STAU1: variants seen among roughly 807,000 people sequenced by gnomAD.
STAU1 encodes staufen double-stranded RNA binding protein 1.
A neutral mutation model predicts 62.9 loss-of-function variants in STAU1; 13 were observed. The ratio of observed to expected loss-of-function variants is 0.21; its 90% CI spans 0.13 to 0.33. STAU1 has a LOEUF of 0.33. Ranked by LOEUF, STAU1 falls within the 10% of genes least tolerant of loss-of-function variation. The pLI is 1.00. For missense variants in STAU1, 571 were observed against 712.1 expected, an observed-to-expected ratio of 0.80 and a Z score of 2.25; for synonymous variants, 269 against 265.1, an observed-to-expected ratio of 1.01 and a Z score of -0.14.
intron 1 of STAU1, among the ~76,000 whole-genome samples, chr20:49,187,896 G>A (rs1374732647): frequency 1.3e-5 from 2 of 151,968 alleles, no homozygotes; most frequent in Non-Finnish European, 2.9e-5. Context: ...GGCTGGAGGG[G>A]ATGGGGGCGC....
intron 7 of STAU1, 42 bp from the exon 8 acceptor site, chr20:49,123,277 C>T (rs2295714): frequency 0.41 from 653,349 of 1,612,420 alleles, 133,264 homozygotes; most frequent in Middle Eastern, 0.47. Flanking sequence ...TGTTATTCAC[C>T]GCATGAACTT....
intron 5 of STAU1, among the ~76,000 whole-genome samples, chr20:49,142,256 T>C (rs567544955): frequency 6.6e-6 from 1 of 151,958 alleles, no homozygotes; most frequent in East Asian, 1.9e-4. Context: ...CTGGCTAATT[T>C]TTTGTATTTT....
the STAU1 span, among the ~76,000 whole-genome samples, chr20:49,218,735 A>T: frequency 2.6e-5 from 4 of 151,932 alleles, no homozygotes; most frequent in Admixed American, 2.6e-4. Flanking sequence ...TACAATAAAC[A>T]TTAATTTTAA....
intron 12 of STAU1, among the ~76,000 whole-genome samples, chr20:49,116,319 TATTAC>T (rs1366595432): frequency 2.6e-5 from 4 of 151,964 alleles, no homozygotes; most frequent in Admixed American, 6.6e-5. Context: ...TTTTTCTTCT[TATTAC>T]ATTATCTTCG....
chr20:49,173,470 A>G (rs898178213), intron 2 of STAU1, among the ~76,000 whole-genome samples: 34 of 152,194 alleles, frequency 2.2e-4, no homozygotes, highest in Non-Finnish European at 4.7e-4. Flanking sequence ...AGAAAAGAAA[A>G]GCATTATACA....
At chr20:49,128,633 T>G (rs771060077) in intron 6 of STAU1, among the ~76,000 whole-genome samples, 36 of 152,148 alleles carry the variant, frequency 2.4e-4, no homozygotes, top group Non-Finnish European at 4.7e-4. Flanking sequence ...GCAAAGGTTA[T>G]TTAATAAAGG....
At chr20:49,116,898 AG>A (rs2145814589) in intron 12 of STAU1, among the ~76,000 whole-genome samples, 2 of 152,300 alleles carry the variant, frequency 1.3e-5, no homozygotes, top group East Asian at 3.9e-4. Context: ...GGGAAAAGGA[AG>A]GGAAAGGTGG....
At position 49,127,223 on chromosome 20, in the gene STAU1, G is replaced by A. The variant is rs576642085; in HGVS notation, c.610-2636C>T. Among the ~76,000 whole-genome samples the A allele has an allele frequency of 8.6e-5, 13 of 152,020 alleles. No individual in the cohort carries two copies. The South Asian group carries it at 1.7e-3, about 19-fold the overall frequency. Reference sequence around the variant, plus strand: ...TAAAAAATTAGCTGGGCGTGGTGGCGGGCACCTGTAATCCCAGCTACTTAG... The same window carrying A: ...TAAAAAATTAGCTGGGCGTGGTGGCAGGCACCTGTAATCCCAGCTACTTAG... On this transcript the variant is annotated intron_variant, in intron 6 of 13. Transcript: ENST00000371856.
the STAU1 span, among the ~76,000 whole-genome samples, chr20:49,215,741 T>C: frequency 7.2e-5 from 11 of 152,130 alleles, no homozygotes; most frequent in African/African-American, 2.7e-4. Flanking sequence ...GCGCAGTGGC[T>C]GACGCCTGTA....
chr20:49,143,584 C>T (rs952169578), intron 5 of STAU1, among the ~76,000 whole-genome samples: 1 of 152,114 alleles, frequency 6.6e-6, no homozygotes, highest in Non-Finnish European at 1.5e-5. Flanking sequence ...CAGAGGAAGA[C>T]CCTATTTCAA....
chr20:49,193,912 T>C, the STAU1 span, among the ~76,000 whole-genome samples: 1 of 150,576 alleles, frequency 6.6e-6, no homozygotes, highest in Non-Finnish European at 1.5e-5. Flanking sequence ...GAGCTTGCAG[T>C]GAGCAGAGAT....
upstream of STAU1, among the ~76,000 whole-genome samples, chr20:49,189,885 G>T (rs924108291): frequency 2.6e-5 from 4 of 152,114 alleles, no homozygotes; most frequent in East Asian, 1.9e-4. Context: ...GTCTGAAGAG[G>T]CCCCTCCAAA....
Position 49,153,973 on chromosome 20 carries a change from T to A in STAU1, c.304A>T (p.Thr102Ser). The A allele has an allele frequency of 6.2e-7, 1 of 1,612,274 alleles. No homozygotes were observed. The highest frequency in any genetic ancestry group is 8.5e-7 in the Non-Finnish European group (1 of 1,179,624). The part of the protein sequence containing the change: ...PVDPYSRMQS[T>S]YNYNMRGGAY... ...CCTCCTCTCATGTTGTAGTTATAGG[T>A]GGACTGCATCCGAGAGTAAGGGTCA... Residue 102 changes from threonine to serine, a missense_variant, in exon 4 of 14, where the codon ACC becomes TCC. This residue lies in a region of STAU1 where 414 missense variants were observed against 499.6 expected (regional missense o/e 0.83). Coordinates refer to ENST00000371856, the MANE Select transcript of STAU1 (RefSeq NM_017453.4).
intron 5 of STAU1, among the ~76,000 whole-genome samples, chr20:49,147,921 T>C (rs538763569): frequency 1.3e-5 from 2 of 152,368 alleles, no homozygotes; most frequent in Admixed American, 6.5e-5. Context: ...TACTTGTATA[T>C]GTGCTTGTCA....
chr20:49,208,783 C>T, the STAU1 span, among the ~76,000 whole-genome samples: 7 of 151,100 alleles, frequency 4.6e-5, no homozygotes, highest in African/African-American at 1.5e-4. Flanking sequence ...CCATGCTCGG[C>T]TAATTTTTTT....
At chr20:49,152,798 T>C (rs547686587) in intron 4 of STAU1, among the ~76,000 whole-genome samples, 13 of 152,316 alleles carry the variant, frequency 8.5e-5, no homozygotes, top group Non-Finnish European at 5.9e-5. Flanking sequence ...CTGGGAATCA[T>C]TGTCTTGCAG....
At chr20:49,200,337 G>A in the STAU1 span, among the ~76,000 whole-genome samples, 2 of 152,122 alleles carry the variant, frequency 1.3e-5, no homozygotes, top group African/African-American at 2.4e-5. Context: ...GGTGGCTCAC[G>A]CCTGTAATCC....
At chr20:49,129,956 T>C (rs1188445203) in intron 6 of STAU1, among the ~76,000 whole-genome samples, 3 of 152,158 alleles carry the variant, frequency 2.0e-5, no homozygotes, top group Admixed American at 6.5e-5. Context: ...TTATTTATCA[T>C]GCAACTCAGC....
At chr20:49,115,564 G>C (rs2092299902) in intron 13 of STAU1, among the ~76,000 whole-genome samples, 1 of 152,142 alleles carries the variant, frequency 6.6e-6, no homozygotes, top group East Asian at 1.9e-4. Flanking sequence ...GCCACCCAAA[G>C]TGCTGGGATT....
Sources: allele counts gnomAD v4.1 joint callset (sites outside exome capture counted in the v4.1 genomes callset), GRCh38; gene constraint gnomAD v4.1.1; regional missense constraint gnomAD v4.1.1; transcripts MANE v1.5; gene names NCBI Gene and HGNC (gene_info 2026-07-23, HGNC 2026-07-21).